Variants in TRPA1 observed in about 807,000 individuals in gnomAD.
TRPA1 encodes the protein ankyrin-like with transmembrane domains 1.
TRPA1 carries 129 observed loss-of-function variants against 131.3 expected under a neutral mutation model. The observed-to-expected ratio is 0.98, with a 90% CI of 0.85 to 1.14. The LOEUF (loss-of-function observed/expected upper bound fraction) is 1.14, where lower values mean the gene tolerates loss of function less well. Ranked by LOEUF, TRPA1 falls within the 50% of genes most tolerant of loss-of-function variation. TRPA1 has a pLI of 0.00. For synonymous variants in TRPA1, 441 were observed against 451.7 expected (o/e 0.98, Z 0.30); for missense variants, 1,304 against 1,354.2 (o/e 0.96, Z 0.58).
In TRPA1 at chr8:72,036,414, A is replaced by G; in HGVS notation, c.2429T>C (p.Ile810Thr). 1 of 1,614,082 alleles carries G rather than the reference A, an allele frequency of 6.2e-7. No homozygotes were observed. Among genetic ancestry groups the G allele is most frequent in the African/African-American group, 1.3e-5 (1 of 75,024 alleles). ...AAAAATGATGCCCGTCGTGTAGATA[A>G]TCCATTCAAGAACATTGCTTATATC... Reference protein sequence around the residue: ...FMDISNVLEWIIYTTGIIFVL... With the variant: ...FMDISNVLEWTIYTTGIIFVL... The change falls in exon 21 of 27, where the codon ATT becomes ACT. Residue 810 changes from isoleucine to threonine, a missense_variant. Ile to Thr is a moderately conservative substitution (Grantham distance 89). Transcript: ENST00000262209.
intron 3 of TRPA1, among the ~76,000 whole-genome samples, chr8:72,067,043 G>A (rs1805947962): frequency 6.6e-6 from 1 of 152,200 alleles, no homozygotes; most frequent in Non-Finnish European, 1.5e-5. Flanking sequence ...AGGCCAATGT[G>A]TCCCAGGGAA....
Position 72,034,349 on chromosome 8 carries a change from T to G in TRPA1, c.2584A>C (p.Met862Leu), listed in dbSNP as rs773874079. The G allele has an allele frequency of 4.6e-6, 7 of 1,538,132 alleles. No homozygotes were observed. The highest frequency in any genetic ancestry group is 6.2e-6 in the Non-Finnish European group (7 of 1,125,868). ...RFENCGIFIV[M>L]LEVILKTLLR... ...AAAGTTTTCAAAATTACCTCCAACA[T>G]AACAATAAAAATTCCACAATTTTCA... is the stretch of plus-strand genomic sequence containing the variant. The change falls in exon 22 of 27, where the codon ATG (methionine) becomes CTG (leucine). Residue 862 changes from methionine (M) to leucine (L), a missense_variant. Met to Leu is a conservative substitution (Grantham distance 15, BLOSUM62 2). Transcript: ENST00000262209.
chr8:72,057,146 G>A (rs1805688653), intron 9 of TRPA1, 129 bp from the exon 10 acceptor site: 1 of 708,146 alleles, frequency 1.4e-6, no homozygotes, highest in East Asian at 2.7e-5. Context: ...AGGAAATTGT[G>A]TTTAGATGAG....
the TRPA1 span, among the ~76,000 whole-genome samples, chr8:72,082,931 A>G: frequency 6.6e-6 from 1 of 151,524 alleles, no homozygotes. Context: ...TGGGACTTCC[A>G]TTATGTATAT....
intron 26 of TRPA1, chr8:72,023,603 T>C (rs564096332): frequency 1.4e-5 from 7 of 502,618 alleles, no homozygotes; most frequent in South Asian, 4.8e-5. Context: ...TATTCACTTA[T>C]GATTGGAAGG....
chr8:72,044,481 TAAC>T (rs1474792737), intron 17 of TRPA1, among the ~76,000 whole-genome samples: 1 of 151,994 alleles, frequency 6.6e-6, no homozygotes, highest in Non-Finnish European at 1.5e-5. Context: ...TTTAAACTAA[TAAC>T]AAATACAGAA....
intron 15 of TRPA1, among the ~76,000 whole-genome samples, chr8:72,048,480 G>A (rs949189054): frequency 6.6e-6 from 1 of 152,118 alleles, no homozygotes; most frequent in Non-Finnish European, 1.5e-5. Flanking sequence ...AGTACTGGAG[G>A]TCACAACAAC....
chr8:72,042,894 C>T (rs1812301500), intron 17 of TRPA1, among the ~76,000 whole-genome samples: 1 of 151,638 alleles, frequency 6.6e-6, no homozygotes, highest in Admixed American at 6.6e-5. Context: ...AGGGTGGTTG[C>T]CAAGGGCTGG....
chr8:72,061,597 T>C (rs750628612), intron 7 of TRPA1, 28 bp downstream of exon 7: 1 of 1,613,538 alleles, frequency 6.2e-7, no homozygotes, highest in East Asian at 2.2e-5. Flanking sequence ...GAAAAATCTG[T>C]ATACAGAATG....
chr8:72,081,868 T>G, the TRPA1 span, among the ~76,000 whole-genome samples: 1 of 151,908 alleles, frequency 6.6e-6, no homozygotes, highest in Non-Finnish European at 1.5e-5. Context: ...TTTAATCTAT[T>G]TGTTTTTAAA....
intron 1 of TRPA1, 39 bp from the exon 2 acceptor site, chr8:72,071,906 T>C: frequency 2.5e-6 from 4 of 1,589,832 alleles, no homozygotes; most frequent in South Asian, 1.1e-5. Context: ...AACAAGCATA[T>C]GCAAAACTTA....
At position 72,046,518 on chromosome 8, in the gene TRPA1, G is replaced by C; in HGVS notation, c.2056C>G (p.Leu686Val). The C allele has an allele frequency of 3.8e-6, 6 of 1,561,966 alleles. No homozygotes were observed. Among genetic ancestry groups the C allele is most frequent in the Non-Finnish European group, 5.3e-6 (6 of 1,141,710 alleles). Residue 686 changes from leucine to valine, a missense_variant, in exon 17 of 27, where the codon CTC becomes GTC. Leu to Val is a conservative substitution (Grantham distance 32). Transcript: ENST00000262209. Reference sequence around the variant, plus strand: ...AATGAAAACATTGAACTTACGTTGAGGGCTGTAAGCGGTTCATATATAACA... The same window carrying C: ...AATGAAAACATTGAACTTACGTTGACGGCTGTAAGCGGTTCATATATAACA... ...QDVIYEPLTA[L>V]NAMVQNNRIE...
chr8:72,070,804 C>T (rs964711144), intron 2 of TRPA1, among the ~76,000 whole-genome samples: 14 of 152,212 alleles, frequency 9.2e-5, no homozygotes, highest in Non-Finnish European at 7.3e-5. Flanking sequence ...CAATCACGCT[C>T]CTGTAGGGCA....
the TRPA1 span, among the ~76,000 whole-genome samples, chr8:72,084,073 AT>A: frequency 1.3e-5 from 2 of 152,180 alleles, no homozygotes; most frequent in Admixed American, 6.5e-5. Context: ...TCTTACAGTC[AT>A]TTTAAATTTT....
rs1333468422 is a variant in TRPA1 at position 72,052,626 on chromosome 8, A to G, written c.1784T>C (p.Val595Ala). Residue 595 changes from valine to alanine, a missense_variant, in exon 14 of 27, where the codon GTT (valine) becomes GCT (alanine). Val to Ala is a moderately conservative substitution (Grantham distance 64). Transcript: ENST00000262209. ...HLALHNKRKE[V>A]VLTIIRSKRW... is the part of the protein sequence containing the mutation. ...TTTGCTCCTGATGATCGTAAGAACA[A>G]CCTCCTTCCTCTTATTGTGAAGTGC... 1.2e-6 allele frequency: 2 copies of G among 1,613,472 alleles called. No individual in the cohort carries two copies. Among genetic ancestry groups the G allele is most frequent in the Non-Finnish European group, 1.7e-6 (2 of 1,179,730 alleles).
chr8:72,028,428 T>G (rs1811682507), intron 24 of TRPA1, among the ~76,000 whole-genome samples: 1 of 152,246 alleles, frequency 6.6e-6, no homozygotes, highest in Admixed American at 6.5e-5. Flanking sequence ...GGCCCTTTGC[T>G]CTTGCTGGCC....
At chr8:72,079,955 G>A (rs1241974362), upstream of TRPA1, among the ~76,000 whole-genome samples, 1 of 151,920 alleles carries the variant, frequency 6.6e-6, no homozygotes, top group Non-Finnish European at 1.5e-5. Flanking sequence ...TTTACCATCA[G>A]ATGATTTGCT....
chr8:72,065,883 C>T (rs1163418637), intron 3 of TRPA1, among the ~76,000 whole-genome samples: 1 of 151,874 alleles, frequency 6.6e-6, no homozygotes, highest in Non-Finnish European at 1.5e-5. Context: ...GTTATGTTAA[C>T]TAATATTTTC....
intron 14 of TRPA1, 115 bp downstream of exon 14, chr8:72,052,484 T>C: frequency 2.2e-6 from 3 of 1,345,698 alleles, no homozygotes; most frequent in Middle Eastern, 1.8e-4. Flanking sequence ...ACAACTGATA[T>C]TTTAAATTTT....
Sources: allele counts gnomAD v4.1 joint callset (sites outside exome capture counted in the v4.1 genomes callset), GRCh38; gene constraint gnomAD v4.1.1; transcripts MANE v1.5; gene names NCBI Gene and HGNC (gene_info 2026-07-23, HGNC 2026-07-21).